Variants in EYS observed in about 807,000 individuals in gnomAD.
The protein encoded by EYS is EGF-like photoreceptor maintenance factor, also known as protein eyes shut homolog.
Under a neutral mutation model 282.1 loss-of-function variants are expected in EYS, and 250 were observed. That is an observed-to-expected ratio of 0.89 (90% CI 0.80 to 0.98). EYS has a LOEUF of 0.98. Ranked by LOEUF, EYS falls within the 50% of genes least tolerant of loss-of-function variation. EYS has a pLI of 0.00. For synonymous variants in EYS, 1,355 were observed against 1,282.9 expected, an observed-to-expected ratio of 1.06 and a Z score of -1.20; for missense variants, 4,016 against 3,709.0, an observed-to-expected ratio of 1.08 and a Z score of -2.15.
chr6:63,895,901 ATTTGTT>A (rs1554185598), intron 35 of EYS, among the ~76,000 whole-genome samples: 2 of 22,656 alleles, frequency 8.8e-5, no homozygotes, highest in Non-Finnish European at 8.9e-5. Context: ...TGAGATCATG[ATTTGTT>A]TTTTTTTTTT....
chr6:63,959,490 G>A (rs2149773653), intron 35 of EYS, among the ~76,000 whole-genome samples: 1 of 152,214 alleles, frequency 6.6e-6, no homozygotes, highest in African/African-American at 2.4e-5. Flanking sequence ...AATACCATTT[G>A]ACCCAGCAAT....
chr6:65,536,243 C>T (rs1317654295), intron 2 of EYS, among the ~76,000 whole-genome samples: 1 of 151,162 alleles, frequency 6.6e-6, no homozygotes, highest in Non-Finnish European at 1.5e-5. Flanking sequence ...AGCACCGAGA[C>T]CTGAGTTCTG....
intron 35 of EYS, among the ~76,000 whole-genome samples, chr6:63,940,316 T>TAA (rs34912126): frequency 1.1e-4 from 16 of 146,224 alleles, no homozygotes; most frequent in African/African-American, 3.5e-4. Context: ...AAACCATTGT[T>TAA]AAAAAAAAAA....
chr6:63,984,870 T>C (rs1767282671), intron 34 of EYS, among the ~76,000 whole-genome samples: 1 of 151,808 alleles, frequency 6.6e-6, no homozygotes, highest in African/African-American at 2.4e-5. Context: ...ACTTGCTGAT[T>C]GATTACTTTG....
chr6:64,673,091 C>T (rs1052965516), intron 22 of EYS, among the ~76,000 whole-genome samples: 1 of 152,068 alleles, frequency 6.6e-6, no homozygotes, highest in Non-Finnish European at 1.5e-5. Context: ...TTTACCCTTT[C>T]TTTTATAATT....
intron 29 of EYS, among the ~76,000 whole-genome samples, chr6:64,338,493 A>T (rs778139189): frequency 5.3e-5 from 8 of 152,162 alleles, no homozygotes; most frequent in Admixed American, 1.3e-4. Flanking sequence ...ACACAAACAA[A>T]TGGAAATGCA....
At chr6:65,381,236 G>A (rs943673278) in intron 8 of EYS, among the ~76,000 whole-genome samples, 8 of 151,926 alleles carry the variant, frequency 5.3e-5, no homozygotes, top group Non-Finnish European at 1.2e-4. Context: ...TCAATGATAG[G>A]CTGGATAAAG....
intron 1 of EYS, among the ~76,000 whole-genome samples, chr6:65,652,187 A>C (rs2149819747): frequency 6.6e-6 from 1 of 152,224 alleles, no homozygotes; most frequent in East Asian, 1.9e-4. Flanking sequence ...ATGTGAAATA[A>C]AAGAAAAATG....
intron 40 of EYS, among the ~76,000 whole-genome samples, chr6:63,766,752 G>A (rs1266577357): frequency 6.6e-6 from 1 of 151,974 alleles, no homozygotes; most frequent in African/African-American, 2.4e-5. Flanking sequence ...TAATGAGCGA[G>A]GAAATCCACC....
intron 18 of EYS, 121 bp from the exon 19 acceptor site, chr6:64,886,963 T>G: frequency 1.5e-6 from 1 of 682,890 alleles, no homozygotes; most frequent in South Asian, 2.9e-5. Flanking sequence ...ATAATATATG[T>G]ATTTCATTTT....
chr6:63,986,339 T>C (rs1767365247), intron 34 of EYS, among the ~76,000 whole-genome samples: 2 of 151,770 alleles, frequency 1.3e-5, no homozygotes, highest in Admixed American at 1.3e-4. Context: ...GTAAATTAGT[T>C]TAGCCATTGT....
chr6:63,831,657 A>G (rs1434373121), intron 36 of EYS, among the ~76,000 whole-genome samples: 5 of 152,118 alleles, frequency 3.3e-5, no homozygotes, highest in Admixed American at 1.3e-4. Context: ...GACAGATCAA[A>G]GAGACAGAAA....
At chr6:64,042,195 T>C (rs916952574) in intron 33 of EYS, among the ~76,000 whole-genome samples, 19 of 152,106 alleles carry the variant, frequency 1.2e-4, no homozygotes, top group African/African-American at 4.1e-4. Flanking sequence ...GGACTTGGAG[T>C]CATTTGTAGA....
chr6:65,293,730 G>T (rs1768589582), intron 12 of EYS, among the ~76,000 whole-genome samples: 1 of 151,726 alleles, frequency 6.6e-6, no homozygotes, highest in South Asian at 2.1e-4. Flanking sequence ...CCTAACGTGG[G>T]GCCAATAACT....
chr6:64,890,792 A>G (rs949840155), intron 18 of EYS, among the ~76,000 whole-genome samples: 2 of 152,130 alleles, frequency 1.3e-5, no homozygotes, highest in Non-Finnish European at 2.9e-5. Context: ...TTATTTTTCT[A>G]AAGTTTTTGG....
chr6:65,512,834 G>C (rs1766950809), intron 2 of EYS, among the ~76,000 whole-genome samples: 1 of 152,016 alleles, frequency 6.6e-6, no homozygotes, highest in Non-Finnish European at 1.5e-5. Context: ...ACAAGAGAAA[G>C]CAGGAAAGAT....
intron 36 of EYS, among the ~76,000 whole-genome samples, chr6:63,813,321 A>C (rs1409356687): frequency 5.9e-5 from 9 of 152,204 alleles, no homozygotes; most frequent in Admixed American, 5.9e-4. Context: ...AACTAGAACT[A>C]TAATTTTATA....
chr6:63,863,821 G>A (rs1011034308), intron 36 of EYS, among the ~76,000 whole-genome samples: 6 of 151,586 alleles, frequency 4.0e-5, no homozygotes, highest in African/African-American at 1.2e-4. Context: ...GATTATAGGC[G>A]CATGCCACCA....
At chr6:65,437,892 A>G (rs942605137) in intron 5 of EYS, among the ~76,000 whole-genome samples, 5 of 152,066 alleles carry the variant, frequency 3.3e-5, no homozygotes, top group Admixed American at 3.3e-4. Context: ...GTTCTAGGGT[A>G]CATATGCACA....
Sources: allele counts gnomAD v4.1 joint callset (sites outside exome capture counted in the v4.1 genomes callset), GRCh38; gene constraint gnomAD v4.1.1; transcripts MANE v1.5; gene names NCBI Gene and HGNC (gene_info 2026-07-23, HGNC 2026-07-21).